ZC3H12B: variants seen among roughly 807,000 people sequenced by gnomAD.
ZC3H12B encodes zinc finger CCCH-type containing 12B.
ZC3H12B carries 7 observed loss-of-function variants against 43.9 expected under a neutral mutation model. The observed-to-expected ratio is 0.16, with a 90% CI of 0.09 to 0.30. The LOEUF is 0.30. Ranked by LOEUF, ZC3H12B falls within the 10% of genes least tolerant of loss-of-function variation. The pLI is 1.00. For synonymous variants in ZC3H12B, 222 were observed against 241.7 expected (o/e 0.92, Z 0.76); for missense variants, 475 against 670.2 (o/e 0.71, Z 3.22).
the ZC3H12B span, among the ~76,000 whole-genome samples, chrX:65,165,500 G>T: frequency 8.9e-6 from 1 of 111,879 alleles, no homozygotes; most frequent in African/African-American, 3.2e-5. Flanking sequence ...TCATTGTTCA[G>T]CTCCCAATTT....
the ZC3H12B span, among the ~76,000 whole-genome samples, chrX:65,162,870 G>C: frequency 2.7e-5 from 3 of 111,940 alleles, no homozygotes; most frequent in Admixed American, 2.9e-4. Flanking sequence ...CAGTTTTTCT[G>C]CTCTGTTTTT....
intron 2 of ZC3H12B, among the ~76,000 whole-genome samples, chrX:65,374,683 T>A (rs1344010008): frequency 9.0e-6 from 1 of 111,014 alleles, no homozygotes; most frequent in African/African-American, 3.3e-5. Context: ...AACTGCCCGA[T>A]ACTGGGTAAT....
At chrX:65,216,661 TC>T in the ZC3H12B span, among the ~76,000 whole-genome samples, 2 of 97,385 alleles carry the variant, frequency 2.1e-5, no homozygotes, top group African/African-American at 1.2e-4. Flanking sequence ...CTTCACTCTT[TC>T]CCCACCACCA....
At chrX:65,069,980 C>G in the ZC3H12B span, among the ~76,000 whole-genome samples, 1 of 108,376 alleles carries the variant, frequency 9.2e-6, no homozygotes, top group African/African-American at 3.4e-5. Context: ...GGGGATGAGT[C>G]TTATGTTCTT....
At chrX:65,479,367 A>AT (rs57725933) in intron 3 of ZC3H12B, among the ~76,000 whole-genome samples, 983 of 91,870 alleles carry the variant, frequency 0.011, 5 homozygotes, top group South Asian at 0.02. Flanking sequence ...CACTATTTGT[A>AT]TTTTTTTTTT....
chrX:65,219,482 G>A, the ZC3H12B span, among the ~76,000 whole-genome samples: 3 of 111,486 alleles, frequency 2.7e-5, no homozygotes, highest in Non-Finnish European at 5.6e-5. Flanking sequence ...TTCTGGAAAT[G>A]AAGGACACAC....
At chrX:65,207,670 G>T in the ZC3H12B span, among the ~76,000 whole-genome samples, 1 of 100,340 alleles carries the variant, frequency 1.0e-5, no homozygotes, top group African/African-American at 3.8e-5. Context: ...GCTCTTTTTT[G>T]GTTCCATATG....
chrX:65,162,347 T>C, the ZC3H12B span, among the ~76,000 whole-genome samples: 1 of 112,111 alleles, frequency 8.9e-6, no homozygotes, highest in Admixed American at 9.5e-5. Context: ...TCCTGGATAA[T>C]ATCCTGCGGA....
chrX:65,419,438 T>A (rs1393674533), intron 3 of ZC3H12B, among the ~76,000 whole-genome samples: 1 of 111,997 alleles, frequency 8.9e-6, no homozygotes, highest in Non-Finnish European at 1.9e-5. Context: ...GACACTTCAG[T>A]GATTGTTCTT....
the ZC3H12B span, among the ~76,000 whole-genome samples, chrX:65,164,606 T>C: frequency 8.9e-6 from 1 of 112,035 alleles, no homozygotes; most frequent in Non-Finnish European, 1.9e-5. Flanking sequence ...TAAATGCCTC[T>C]TGTAGTTAGC....
the ZC3H12B span, among the ~76,000 whole-genome samples, chrX:65,258,625 C>G: frequency 9.0e-6 from 1 of 111,447 alleles, no homozygotes; most frequent in African/African-American, 3.3e-5. Flanking sequence ...GGAAGTCAAA[C>G]TATTTCTGCT....
chrX:65,341,264 G>C, the ZC3H12B span, among the ~76,000 whole-genome samples: 1 of 111,932 alleles, frequency 8.9e-6, no homozygotes, highest in East Asian at 2.8e-4. Flanking sequence ...GGGGAAAATG[G>C]AAGAAACATG....
At chrX:65,316,660 A>T in the ZC3H12B span, among the ~76,000 whole-genome samples, 1 of 111,597 alleles carries the variant, frequency 9.0e-6, no homozygotes, top group Non-Finnish European at 1.9e-5. Flanking sequence ...TAAACATGGA[A>T]ATTAAAGACT....
chrX:65,503,349 T>A, exon 5 of ZC3H12B: 1 of 521,177 alleles, frequency 1.9e-6, no homozygotes, highest in Non-Finnish European at 2.9e-6. Context: ...TTAACAACCC[T>A]GTGAGGTACG....
At chrX:65,327,700 A>G in the ZC3H12B span, among the ~76,000 whole-genome samples, 3 of 111,910 alleles carry the variant, frequency 2.7e-5, no homozygotes, top group African/African-American at 9.7e-5. Flanking sequence ...GAATAGAAAC[A>G]ACAGCATTCA....
intron 3 of ZC3H12B, among the ~76,000 whole-genome samples, chrX:65,479,367 AT>A (rs57725933): frequency 0.085 from 7,770 of 91,627 alleles, 466 homozygotes; most frequent in African/African-American, 0.21. Flanking sequence ...CACTATTTGT[AT>A]TTTTTTTTTT....
Position 65,488,994 on chromosome X carries a change from G to A in ZC3H12B, c.193G>A (p.Gly65Ser), listed in dbSNP as rs369243776. The A allele has an allele frequency of 2.4e-5, 29 of 1,209,329 alleles. No homozygotes were observed. In the African/African-American group the frequency reaches 4.6e-4, roughly 19 times the overall value. Residue 65 changes from glycine (G) to serine (S), a missense_variant, in exon 1 of 5, where the codon GGT becomes AGT. By Grantham distance (56) the Gly-to-Ser change is moderately conservative. Coordinates refer to ENST00000338957, the Ensembl canonical transcript of ZC3H12B. ...CAGCAAGAGCTGCCAACCTAGGGAT[G>A]GTCAGTTGAAGAAAAAGGAGATGCA... is the stretch of plus-strand genomic sequence containing the variant.
chrX:65,229,269 A>G, the ZC3H12B span, among the ~76,000 whole-genome samples: 1 of 112,103 alleles, frequency 8.9e-6, no homozygotes, highest in Non-Finnish European at 1.9e-5. Context: ...ACCTGAGTAA[A>G]ACAAGCAATG....
chrX:65,372,904 G>A lies in ZC3H12B; in HGVS notation n.295+3906G>A, dbSNP rs778621555. 2.7e-5 allele frequency among the ~76,000 whole-genome samples: 3 copies of A among 112,190 alleles called. No individual in the cohort carries two copies. The South Asian group carries it at 1.1e-3, about 41-fold the overall frequency. ...AAGACTGAAAAAGAAAAAATAGCAT[G>A]TCAGTAGTAAAATACATAAAACTGA... On this transcript the variant is annotated intron_variant and non_coding_transcript_variant, in intron 2 of 5. Coordinates refer to the ZC3H12B transcript ENST00000617377.
Sources: gnomAD v4.1 joint callset for allele counts (sites outside exome capture counted in the v4.1 genomes callset) on GRCh38, gnomAD v4.1.1 for gene constraint, MANE v1.5 for transcripts, NCBI Gene and HGNC (gene_info 2026-07-23, HGNC 2026-07-21) for gene names.